SYN3: variants seen among roughly 807,000 people sequenced by gnomAD.
SYN3 encodes the protein synapsin III, also known as synapsin-3.
SYN3 carries 35 observed loss-of-function variants against 65.8 expected under a neutral mutation model. That is an observed-to-expected ratio of 0.53 (90% CI 0.41 to 0.70). The LOEUF (loss-of-function observed/expected upper bound fraction) is 0.70. SYN3 is among the 30% of genes least tolerant of loss of function. SYN3 has a pLI of 0.00. For missense variants in SYN3, 680 were observed against 749.0 expected (o/e 0.91, Z 1.08); for synonymous variants, 270 against 292.9 (o/e 0.92, Z 0.80).
chr22:33,002,059 G>C (rs1196854284), intron 2 of SYN3, among the ~76,000 whole-genome samples: 1 of 152,140 alleles, frequency 6.6e-6, no homozygotes, highest in African/African-American at 2.4e-5. Flanking sequence ...CATTGTTCAG[G>C]GCAGAGGGCC....
At chr22:33,033,489 T>C (rs538468963) in intron 1 of SYN3, among the ~76,000 whole-genome samples, 87 of 152,250 alleles carry the variant, frequency 5.7e-4, no homozygotes, top group African/African-American at 2.0e-3. Flanking sequence ...TACGCACTTC[T>C]TCCATTATCC....
rs1342544130 is a variant in SYN3 at position 33,006,391 on chromosome 22, G to C, written c.272C>G (p.Pro91Arg). The C allele has an allele frequency of 3.1e-6, 5 of 1,613,784 alleles. No individual in the cohort carries two copies. The South Asian group carries it at 4.4e-5, about 14-fold the overall frequency. ...PGPSTPIVQRPRILLVIDDAH... is the reference protein window; with the variant it reads ...PGPSTPIVQRRRILLVIDDAH... ...ATCATCGATCACCAACAGGATCCTG[G>C]GTCTTTGAACAATGGGCGTGGAGGG... Residue 91 changes from proline to arginine, a missense_variant, in exon 2 of 14, where the codon CCC becomes CGC. By Grantham distance (103) the Pro-to-Arg change is moderately radical (BLOSUM62 -2). Transcript: ENST00000358763.
intron 1 of SYN3, among the ~76,000 whole-genome samples, chr22:33,022,473 C>T (rs1601920489): frequency 1.3e-5 from 2 of 152,322 alleles, no homozygotes; most frequent in South Asian, 2.1e-4. Context: ...CTTTTGACCC[C>T]AAAGCTCTTT....
At chr22:32,617,781 G>A (rs917396758) in intron 6 of SYN3, among the ~76,000 whole-genome samples, 1 of 151,968 alleles carries the variant, frequency 6.6e-6, no homozygotes, top group African/African-American at 2.4e-5. Context: ...GTGTGTGTGA[G>A]GGAGGCAGGG....
At chr22:33,048,048 G>A (rs1454030190) in intron 1 of SYN3, among the ~76,000 whole-genome samples, 2 of 152,046 alleles carry the variant, frequency 1.3e-5, no homozygotes, top group Non-Finnish European at 2.9e-5. Flanking sequence ...GAGGAGGCAG[G>A]CAGAACATGC....
intron 6 of SYN3, among the ~76,000 whole-genome samples, chr22:32,605,632 A>C (rs1229312319): frequency 6.6e-6 from 1 of 152,228 alleles, no homozygotes; most frequent in Non-Finnish European, 1.5e-5. Flanking sequence ...ATCACTCAGC[A>C]AGAAAGTGGA....
intron 3 of SYN3, among the ~76,000 whole-genome samples, chr22:32,976,457 A>AGG (rs2052190783): frequency 6.6e-6 from 1 of 152,218 alleles, no homozygotes. Flanking sequence ...AGCAAGTCCT[A>AGG]GTCCACTGAT....
At chr22:32,962,396 A>C (rs779699006) in intron 3 of SYN3, among the ~76,000 whole-genome samples, 7 of 152,122 alleles carry the variant, frequency 4.6e-5, no homozygotes, top group Admixed American at 6.5e-5. Context: ...GGCCTCCCAG[A>C]GTGCTGGGAT....
At chr22:32,994,809 C>CCCTGGCTTCCACCCG (rs2145737303) in intron 2 of SYN3, among the ~76,000 whole-genome samples, 1 of 152,290 alleles carries the variant, frequency 6.6e-6, no homozygotes, top group South Asian at 2.1e-4. Flanking sequence ...GCTTCCTTCC[C>CCCTGGCTTCCACCCG]CCTGGCTTCC....
At chr22:32,804,890 T>C (rs1426805015) in intron 6 of SYN3, among the ~76,000 whole-genome samples, 1 of 152,118 alleles carries the variant, frequency 6.6e-6, no homozygotes, top group Non-Finnish European at 1.5e-5. Flanking sequence ...GACAAAACCT[T>C]GACTCTAGAA....
chr22:32,986,549 C>A (rs1038607839), intron 2 of SYN3, among the ~76,000 whole-genome samples: 5 of 152,148 alleles, frequency 3.3e-5, no homozygotes, highest in Non-Finnish European at 7.3e-5. Flanking sequence ...GCCTCCTTGC[C>A]GGGGGCTCAT....
At position 32,859,084 on chromosome 22, in the gene SYN3, T is replaced by C; in HGVS notation, c.711+5831A>G. The C allele has an allele frequency of 2.5e-6, 3 of 1,218,074 alleles. No individual in the cohort carries two copies. In the South Asian group the frequency reaches 3.7e-5, roughly 15 times the overall value. The allele number at this position is 1,218,074 out of a possible 1,614,324, so 75.5% of individuals were successfully genotyped here. A position where few individuals can be genotyped will look rare whatever the true frequency, so the allele number is the denominator to read the frequency against. On this transcript the variant is annotated intron_variant, in intron 6 of 13. Coordinates refer to ENST00000358763, the MANE Select transcript of SYN3 (RefSeq NM_003490.4). ...GGGACTGATGTGGCTAGGCTTCCCA[T>C]GCAGTGGCCCCAGGGTCTGAATCCA... is the stretch of plus-strand genomic sequence containing the variant.
At chr22:32,631,611 G>C in intron 6 of SYN3, among the ~76,000 whole-genome samples, 1 of 152,216 alleles carries the variant, frequency 6.6e-6, no homozygotes, top group East Asian at 1.9e-4. Flanking sequence ...TAGAATTGCT[G>C]TGTCTTTCCT....
intron 6 of SYN3, among the ~76,000 whole-genome samples, chr22:32,752,489 GATTAA>G (rs759823588): frequency 6.6e-6 from 1 of 152,158 alleles, no homozygotes; most frequent in African/African-American, 2.4e-5. Context: ...TCTGAGCTGC[GATTAA>G]ATTAAAATGA....
At chr22:32,555,196 G>T (rs191763260) in intron 7 of SYN3, among the ~76,000 whole-genome samples, 2 of 152,142 alleles carry the variant, frequency 1.3e-5, no homozygotes, top group African/African-American at 4.8e-5. Flanking sequence ...TGAGGTTGAT[G>T]CTGAAACTCA....
chr22:33,003,097 C>T (rs1229416139), intron 2 of SYN3, among the ~76,000 whole-genome samples: 1 of 152,220 alleles, frequency 6.6e-6, no homozygotes, highest in Non-Finnish European at 1.5e-5. Context: ...TTCCTGAGGC[C>T]TCCCCAGCCA....
intron 3 of SYN3, among the ~76,000 whole-genome samples, chr22:32,965,796 G>A (rs1004037834): frequency 5.3e-5 from 8 of 152,062 alleles, no homozygotes; most frequent in East Asian, 1.9e-4. Context: ...CCGGGTTCGC[G>A]CCATTCTCCT....
At chr22:32,594,718 C>T (rs2059174258) in intron 7 of SYN3, among the ~76,000 whole-genome samples, 1 of 152,144 alleles carries the variant, frequency 6.6e-6, no homozygotes, top group Admixed American at 6.5e-5. Context: ...TAACTCCGAA[C>T]CTCAGGTGAT....
intron 6 of SYN3, among the ~76,000 whole-genome samples, chr22:32,728,073 A>G (rs1003736263): frequency 6.6e-6 from 1 of 152,140 alleles, no homozygotes; most frequent in Non-Finnish European, 1.5e-5. Flanking sequence ...TCCTTACACC[A>G]TACACAAAAA....
Sources: allele counts gnomAD v4.1 joint callset (sites outside exome capture counted in the v4.1 genomes callset), GRCh38; gene constraint gnomAD v4.1.1; transcripts MANE v1.5; gene names NCBI Gene and HGNC (gene_info 2026-07-23, HGNC 2026-07-21).